Variants in EIF3I observed in about 807,000 individuals in gnomAD.
The protein encoded by EIF3I is eukaryotic translation initiation factor 3 subunit I.
EIF3I carries 20 observed loss-of-function variants against 43.3 expected under a neutral mutation model. That is an observed-to-expected ratio of 0.46 (90% CI 0.32 to 0.67). EIF3I has a LOEUF of 0.67. EIF3I is among the 30% of genes least tolerant of loss of function. The pLI is 0.03. For missense variants in EIF3I, 279 were observed against 421.4 expected, an observed-to-expected ratio of 0.66 and a Z score of 2.96; for synonymous variants, 167 against 151.7, an observed-to-expected ratio of 1.10 and a Z score of -0.74.
At chr1:32,222,761 C>T (rs1189230773) in intron 2 of EIF3I, 131 bp downstream of exon 2, 2 of 900,150 alleles carry the variant, frequency 2.2e-6, no homozygotes, top group Admixed American at 2.2e-5. Context: ...GAGGCCATGC[C>T]GGGGGTAGGT....
downstream of EIF3I, among the ~76,000 whole-genome samples, chr1:32,233,624 G>A (rs560387747): frequency 4.6e-5 from 7 of 152,228 alleles, no homozygotes; most frequent in East Asian, 3.9e-4. Context: ...TCATGCTACC[G>A]ATGAGATTGA....
chr1:32,225,665 G>A (rs1639131575), intron 4 of EIF3I, among the ~76,000 whole-genome samples: 1 of 150,352 alleles, frequency 6.7e-6, no homozygotes, highest in South Asian at 2.1e-4. Flanking sequence ...CGCTTGAAAG[G>A]TTGCAGTGAG....
At chr1:32,229,439 G>A (rs1453826021) in intron 9 of EIF3I, among the ~76,000 whole-genome samples, 1 of 151,790 alleles carries the variant, frequency 6.6e-6, no homozygotes, top group South Asian at 2.1e-4. Flanking sequence ...TAGTAGAGAC[G>A]GGGTTTCACC....
Position 32,229,099 on chromosome 1 carries a change from C to T in EIF3I, c.730-36C>T, listed in dbSNP as rs765892244. 1.4e-5 allele frequency: 22 copies of T among 1,592,378 alleles called. No individual in the cohort carries two copies. The Admixed American group carries it at 2.4e-4, about 17-fold the overall frequency. On this transcript the variant is annotated intron_variant, in intron 8 of 11. Transcript: ENST00000676679. ...GAAAAACACAAAATGGACTTGGTGT[C>T]CATTGGTCCCATCTAGAGTTTCTTC...
downstream of EIF3I, among the ~76,000 whole-genome samples, chr1:32,232,600 G>A (rs1639254223): frequency 6.6e-6 from 1 of 152,196 alleles, no homozygotes; most frequent in Non-Finnish European, 1.5e-5. Context: ...AGGAGCTTTT[G>A]AAAGAAAATT....
At position 32,228,717 on chromosome 1, in the gene EIF3I, C is replaced by T; in HGVS notation, c.640-10C>T. ...TCTTTACAGATTTCCCCCCTGCCTT[C>T]TCTCTCCAGCTTTTTGACTCCACAA... On this transcript the variant is annotated splice_polypyrimidine_tract_variant and intron_variant, in intron 7 of 11. Transcript: ENST00000676679. The T allele has an allele frequency of 6.2e-7, 1 of 1,613,376 alleles. No individual in the cohort carries two copies. Among genetic ancestry groups the T allele is most frequent in the South Asian group, 1.1e-5 (1 of 91,028 alleles).
At position 32,228,623 on chromosome 1, in the gene EIF3I, G is replaced by C. The variant is rs926312634; in HGVS notation, c.639+14G>C. 8.7e-6 allele frequency: 14 copies of C among 1,613,048 alleles called. No homozygotes were observed. Among genetic ancestry groups the C allele is most frequent in the East Asian group, 6.7e-5 (3 of 44,878 alleles). On this transcript the variant is annotated intron_variant, in intron 7 of 11. Coordinates refer to ENST00000676679, the Ensembl canonical transcript of EIF3I. Reference sequence around the variant, plus strand: ...AACACAGCCAAGGTGAGCCTGGGCAGCGGTCTGGCAGGGCTGCTCCCTCCC... The same window carrying C: ...AACACAGCCAAGGTGAGCCTGGGCACCGGTCTGGCAGGGCTGCTCCCTCCC...
At chr1:32,232,818 G>C (rs570215145), downstream of EIF3I, among the ~76,000 whole-genome samples, 1 of 152,042 alleles carries the variant, frequency 6.6e-6, no homozygotes, top group Non-Finnish European at 1.5e-5. Context: ...AAGCAGGATG[G>C]GGTATAGAGG....
chr1:32,234,604 AGCTGGAAGGGGTG>A (rs1639277518), downstream of EIF3I: 1 of 153,046 alleles, frequency 6.5e-6, no homozygotes, highest in Non-Finnish European at 1.5e-5. Context: ...GGCACAGCGC[AGCTGGAAGGGGTG>A]GCTGGCCTGG....
At chr1:32,225,938 G>C (rs919731929) in intron 4 of EIF3I, among the ~76,000 whole-genome samples, 2 of 151,858 alleles carry the variant, frequency 1.3e-5, no homozygotes, top group Non-Finnish European at 2.9e-5. Flanking sequence ...GGAGAATGGC[G>C]TGAACCCGGG....
chr1:32,228,851 T>C (rs1406201038), intron 8 of EIF3I, 35 bp downstream of exon 8: 5 of 1,530,626 alleles, frequency 3.3e-6, no homozygotes, highest in Non-Finnish European at 4.5e-6. Context: ...TGCTGAAGCC[T>C]CAGGAAGCTT....
exon 11 of EIF3I, chr1:32,230,966 C>A: frequency 1.2e-6 from 2 of 1,601,176 alleles, no homozygotes; most frequent in South Asian, 2.3e-5. Flanking sequence ...TTGGAAGAGT[C>A]AAGGGTCACT....
downstream of EIF3I, chr1:32,231,491 CAAAA>C (rs372584031): frequency 2.7e-4 from 50 of 184,230 alleles, no homozygotes; most frequent in African/African-American, 1.2e-3. Flanking sequence ...AACTCCGTCT[CAAAA>C]AAAAAAAAGA....
At chr1:32,222,606 C>T (rs1343705040) in exon 2 of EIF3I, 6 of 1,613,968 alleles carry the variant, frequency 3.7e-6, no homozygotes, top group African/African-American at 1.3e-5. Context: ...AAGGAGACCT[C>T]CTCTTTACTG....
chr1:32,228,704 TC>T, intron 7 of EIF3I, 22 bp from the exon 8 acceptor site: 8 of 1,607,216 alleles, frequency 5.0e-6, no homozygotes, highest in Non-Finnish European at 6.0e-6. Context: ...TTTACAGATT[TC>T]CCCCCTGCCT....
downstream of EIF3I, among the ~76,000 whole-genome samples, chr1:32,232,454 A>T (rs1639251561): frequency 6.6e-6 from 1 of 152,220 alleles, no homozygotes; most frequent in African/African-American, 2.4e-5. Context: ...CTAATTAAGA[A>T]TGTGATGTTT....
exon 11 of EIF3I, chr1:32,230,986 T>C: frequency 1.2e-6 from 2 of 1,611,016 alleles, no homozygotes; most frequent in Non-Finnish European, 1.7e-6. Flanking sequence ...TTTGGACCTA[T>C]CAACAGTGTT....
intron 4 of EIF3I, among the ~76,000 whole-genome samples, chr1:32,225,217 C>G (rs186929263): frequency 2.2e-3 from 342 of 152,110 alleles, no homozygotes; most frequent in Non-Finnish European, 4.0e-3. Flanking sequence ...CTCAAGTGAT[C>G]CACCCGCCTT....
intron 6 of EIF3I, among the ~76,000 whole-genome samples, chr1:32,226,793 C>G (rs1008838292): frequency 6.9e-6 from 1 of 144,602 alleles, no homozygotes; most frequent in Admixed American, 7.1e-5. Flanking sequence ...TGGTCACGAA[C>G]TCCTGACCTC....
Sources: gnomAD v4.1 joint callset for allele counts (sites outside exome capture counted in the v4.1 genomes callset) on GRCh38, gnomAD v4.1.1 for gene constraint, MANE v1.5 for transcripts, NCBI Gene and HGNC (gene_info 2026-07-23, HGNC 2026-07-21) for gene names.